PRPSAP2: variants seen among roughly 807,000 people sequenced by gnomAD.
PRPSAP2 encodes phosphoribosyl pyrophosphate synthetase associated protein 2.
PRPSAP2 carries 24 observed loss-of-function variants against 40.6 expected under a neutral mutation model. That is an observed-to-expected ratio of 0.59 (90% CI 0.43 to 0.83). The LOEUF (loss-of-function observed/expected upper bound fraction) is 0.83, where lower values mean the gene tolerates loss of function less well. PRPSAP2 is among the 40% of genes least tolerant of loss of function. The pLI is 0.00. For missense variants in PRPSAP2, 292 were observed against 465.6 expected (o/e 0.63, Z 3.43); for synonymous variants, 149 against 164.7 (o/e 0.90, Z 0.73).
intron 4 of PRPSAP2, among the ~76,000 whole-genome samples, chr17:18,869,834 CTTTT>C (rs146119397): frequency 3.5e-5 from 5 of 143,218 alleles, no homozygotes; most frequent in Non-Finnish European, 7.6e-5. Context: ...CATTTTGCTA[CTTTT>C]TTTTTGTGTG....
In PRPSAP2 at chr17:18,875,569, T is replaced by TA. The variant is rs111730282; in HGVS notation, c.240-2117dup. Among the ~76,000 whole-genome samples, 516 of 129,758 alleles carry TA rather than the reference T, an allele frequency of 4.0e-3. 10 individuals are homozygous for TA. In the East Asian group the frequency reaches 0.043, roughly 11 times the overall value. The allele number at this position is 129,758 out of a possible 152,430, so 85.1% of individuals were successfully genotyped here. A position where few individuals can be genotyped will look rare whatever the true frequency, so the allele number is the denominator to read the frequency against. ...AAAAGAACAAGGCTCCATCTCGAAG[T>TA]AAAAAAAAAAAAGGCTGGGCGAGGT... is the stretch of plus-strand genomic sequence containing the variant. On this transcript the variant is annotated intron_variant, in intron 5 of 11. Coordinates refer to ENST00000268835, the MANE Select transcript of PRPSAP2 (RefSeq NM_002767.4).
rs2040738548 is a variant in PRPSAP2, at chr17:18,908,420, C to T, written c.585-2683C>T. ...GGAAGATGAAGAACTTTTAAAAATG[C>T]AGACGAAACTGTTCTGATTTGCCTC... On this transcript the variant is annotated intron_variant, in intron 8 of 11. Coordinates refer to ENST00000268835, the MANE Select transcript of PRPSAP2 (RefSeq NM_002767.4). 3 of 758,406 alleles carry T rather than the reference C, an allele frequency of 4.0e-6. No individual in the cohort carries two copies. In the South Asian group the frequency reaches 4.1e-5, roughly 10 times the overall value. 47.0% of individuals were successfully genotyped at this position (758,406 alleles called of 1,614,324 possible).
At chr17:18,892,534 A>G (rs2039611467) in intron 8 of PRPSAP2, among the ~76,000 whole-genome samples, 1 of 151,070 alleles carries the variant, frequency 6.6e-6, no homozygotes. Context: ...GTGGGTGTGA[A>G]ATTCTACCTT....
chr17:18,897,588 A>C (rs1368368102), intron 8 of PRPSAP2, among the ~76,000 whole-genome samples: 3 of 152,000 alleles, frequency 2.0e-5, no homozygotes, highest in East Asian at 1.9e-4. Context: ...CAGCCTCCTG[A>C]GTAGCTGGGA....
intron 8 of PRPSAP2, among the ~76,000 whole-genome samples, chr17:18,906,799 A>T (rs1471384985): frequency 6.6e-6 from 1 of 151,928 alleles, no homozygotes; most frequent in Admixed American, 6.6e-5. Flanking sequence ...TGCCCGCCTT[A>T]GCCTCCCAAA....
At chr17:18,877,649 A>C in intron 5 of PRPSAP2, 49 bp from the exon 6 acceptor site, 1 of 1,525,000 alleles carries the variant, frequency 6.6e-7, no homozygotes. Flanking sequence ...GGAACAGGGA[A>C]TACTGTGTTG....
At chr17:18,884,240 C>T (rs2038969721) in intron 7 of PRPSAP2, among the ~76,000 whole-genome samples, 1 of 151,946 alleles carries the variant, frequency 6.6e-6, no homozygotes, top group Admixed American at 6.6e-5. Context: ...GCACTCCTGC[C>T]TGGGTGACAG....
chr17:18,872,207 A>C, intron 4 of PRPSAP2, among the ~76,000 whole-genome samples: 1 of 151,360 alleles, frequency 6.6e-6, no homozygotes. Flanking sequence ...CAGGAGGCAG[A>C]GCTTGCAGTG....
intron 4 of PRPSAP2, among the ~76,000 whole-genome samples, chr17:18,871,906 C>T (rs901731523): frequency 1.1e-4 from 16 of 151,882 alleles, no homozygotes; most frequent in Admixed American, 2.0e-4. Context: ...GTGATTTGCC[C>T]GCCTTGGCCT....
intron 6 of PRPSAP2, among the ~76,000 whole-genome samples, chr17:18,878,870 T>C (rs568058067): frequency 1.3e-5 from 2 of 151,650 alleles, no homozygotes; most frequent in East Asian, 3.9e-4. Context: ...TAATTTTTAT[T>C]CTGTTTATTT....
At chr17:18,886,442 G>A (rs1481591345) in intron 7 of PRPSAP2, among the ~76,000 whole-genome samples, 2 of 151,394 alleles carry the variant, frequency 1.3e-5, no homozygotes, top group Non-Finnish European at 2.9e-5. Flanking sequence ...TGCAAGCTCC[G>A]CCTCCCGGGT....
At position 18,906,769 on chromosome 17, in the gene PRPSAP2, A is replaced by C. The variant is rs190607967; in HGVS notation, c.585-4334A>C. On this transcript the variant is annotated intron_variant, in intron 8 of 11. Transcript: ENST00000268835. Reference sequence around the variant, plus strand: ...ACCATGTTGGCCAGGCTGGTCTTGAACTCCTTGTCCCAAGTGATCTGCCCG... The same window carrying C: ...ACCATGTTGGCCAGGCTGGTCTTGACCTCCTTGTCCCAAGTGATCTGCCCG... Among the ~76,000 whole-genome samples, 146 of 137,792 alleles carry C rather than the reference A, an allele frequency of 1.1e-3. 1 individual carries two copies. The highest frequency in any genetic ancestry group is 3.9e-3 in the African/African-American group (143 of 36,596). The allele number at this position is 137,792 out of a possible 152,430, so 90.4% of individuals were successfully genotyped here. A position where few individuals can be genotyped will look rare whatever the true frequency, so the allele number is the denominator to read the frequency against.
At chr17:18,857,272 T>C (rs1271205698), upstream of PRPSAP2, among the ~76,000 whole-genome samples, 2 of 151,656 alleles carry the variant, frequency 1.3e-5, no homozygotes, top group Middle Eastern at 3.4e-3. Flanking sequence ...GAGACGAAGT[T>C]TGCAGTGAGC....
chr17:18,914,332 A>G (rs1240501321), intron 9 of PRPSAP2, among the ~76,000 whole-genome samples: 4 of 123,954 alleles, frequency 3.2e-5, no homozygotes, highest in Non-Finnish European at 6.3e-5. Flanking sequence ...ATCAGATCTC[A>G]CTGCAGCCTC....
chr17:18,923,194 A>G (rs1389183657), intron 9 of PRPSAP2, among the ~76,000 whole-genome samples: 4 of 150,256 alleles, frequency 2.7e-5, no homozygotes, highest in South Asian at 4.2e-4. Context: ...GGTTCACGCC[A>G]TTCTCCTGCC....
chr17:18,859,353 GC>G (rs1281082940), intron 1 of PRPSAP2: 2 of 152,234 alleles, frequency 1.3e-5, no homozygotes, highest in Non-Finnish European at 2.9e-5. Context: ...TCAGCGGGGT[GC>G]CAAGTCGTTT....
chr17:18,898,715 C>A (rs34413375), intron 8 of PRPSAP2, among the ~76,000 whole-genome samples: 23,989 of 152,082 alleles, frequency 0.16, 2,342 homozygotes, highest in South Asian at 0.27. Flanking sequence ...TATGATATAT[C>A]TTGAGATTGC....
At chr17:18,924,629 C>T (rs998056345) in intron 10 of PRPSAP2, among the ~76,000 whole-genome samples, 1 of 151,756 alleles carries the variant, frequency 6.6e-6, no homozygotes, top group Admixed American at 6.6e-5. Context: ...ATTAGCTGAA[C>T]TTGGTGGCAC....
chr17:18,881,646 T>C (rs2038751085), intron 6 of PRPSAP2, among the ~76,000 whole-genome samples: 1 of 151,578 alleles, frequency 6.6e-6, no homozygotes, highest in Non-Finnish European at 1.5e-5. Context: ...GAAGCGATTC[T>C]CCCACCTTAG....
Sources: allele counts gnomAD v4.1 joint callset (sites outside exome capture counted in the v4.1 genomes callset), GRCh38; gene constraint gnomAD v4.1.1; transcripts MANE v1.5; gene names NCBI Gene and HGNC (gene_info 2026-07-23, HGNC 2026-07-21).